CADPS2: variants seen among roughly 807,000 people sequenced by gnomAD.
CADPS2 encodes the protein calcium dependent secretion activator 2, also known as calcium-dependent secretion activator 2.
In CADPS2, 93 loss-of-function variants were observed where a neutral mutation model predicts 172.5. That is an observed-to-expected ratio of 0.54 (90% CI 0.46 to 0.64). The LOEUF is 0.64. Among genes scored for constraint, CADPS2 ranks in the 30% least tolerant of loss-of-function variants. The pLI is 0.00. For missense variants in CADPS2, 1,420 were observed against 1,565.9 expected (o/e 0.91, Z 1.57); for synonymous variants, 546 against 555.2 (o/e 0.98, Z 0.23).
At chr7:122,532,688 T>C (rs1338918837) in intron 8 of CADPS2, among the ~76,000 whole-genome samples, 1 of 152,056 alleles carries the variant, frequency 6.6e-6, no homozygotes, top group Non-Finnish European at 1.5e-5. Flanking sequence ...TTTTAATCTG[T>C]ACCTATTCTG....
At chr7:122,487,207 A>C (rs1209452002) in intron 11 of CADPS2, among the ~76,000 whole-genome samples, 1 of 151,814 alleles carries the variant, frequency 6.6e-6, no homozygotes, top group Non-Finnish European at 1.5e-5. Context: ...ACAGGGTTTC[A>C]TCATGTTGCC....
At chr7:122,336,377 C>T (rs2035852496) in intron 28 of CADPS2, among the ~76,000 whole-genome samples, 2 of 152,142 alleles carry the variant, frequency 1.3e-5, no homozygotes, top group Admixed American at 1.3e-4. Flanking sequence ...AGGGTAGTAG[C>T]TATCTGTTCT....
intron 2 of CADPS2, chr7:122,698,931 C>T (rs979134878): frequency 5.2e-6 from 8 of 1,544,728 alleles, no homozygotes; most frequent in Admixed American, 4.1e-5. Flanking sequence ...CTCTCTTCTC[C>T]GAGTGACTTA....
intron 28 of CADPS2, among the ~76,000 whole-genome samples, chr7:122,336,465 A>C (rs1222231312): frequency 6.6e-6 from 1 of 152,252 alleles, no homozygotes; most frequent in African/African-American, 2.4e-5. Flanking sequence ...ACAAGGCACT[A>C]GAGACCAGTT....
intron 1 of CADPS2, among the ~76,000 whole-genome samples, chr7:122,843,815 A>C (rs79176824): frequency 0.023 from 3,539 of 152,320 alleles, 62 homozygotes; most frequent in Non-Finnish European, 0.033. Context: ...AGATGAGTCT[A>C]CATGATGAAA....
At chr7:122,364,413 TAAAAAAAAAAA>T (rs916412439) in intron 25 of CADPS2, among the ~76,000 whole-genome samples, 4 of 77,906 alleles carry the variant, frequency 5.1e-5, no homozygotes, top group East Asian at 3.6e-4. Context: ...TGTCTCAAGT[TAAAAAAAAAAA>T]AAAAAAAAAA....
intron 6 of CADPS2, among the ~76,000 whole-genome samples, chr7:122,612,360 A>G (rs2074400619): frequency 6.6e-6 from 1 of 152,024 alleles, no homozygotes; most frequent in African/African-American, 2.4e-5. Context: ...ATTGATGCAT[A>G]TAAAATCTAT....
chr7:122,363,108 C>T (rs534408097), intron 25 of CADPS2, among the ~76,000 whole-genome samples: 1 of 152,198 alleles, frequency 6.6e-6, no homozygotes, highest in Non-Finnish European at 1.5e-5. Context: ...GTTAGGATTT[C>T]TTACCAATCA....
intron 3 of CADPS2, among the ~76,000 whole-genome samples, chr7:122,633,587 A>C (rs556657492): frequency 1.3e-5 from 2 of 152,284 alleles, no homozygotes; most frequent in Admixed American, 6.5e-5. Flanking sequence ...CAGTTCGAGA[A>C]GCTTTTTGGC....
chr7:122,635,230 T>C (rs1294926692), intron 3 of CADPS2, among the ~76,000 whole-genome samples: 1 of 152,124 alleles, frequency 6.6e-6, no homozygotes, highest in Non-Finnish European at 1.5e-5. Context: ...TCTAATGCTG[T>C]CAGTGGGGTG....
At chr7:122,369,097 G>T (rs1585332131) in intron 25 of CADPS2, among the ~76,000 whole-genome samples, 1 of 141,678 alleles carries the variant, frequency 7.1e-6, no homozygotes, top group Non-Finnish European at 1.5e-5. Flanking sequence ...AAAAATTATT[G>T]AAGTCTTTCT....
chr7:122,653,027 C>A (rs1249551415), intron 3 of CADPS2, among the ~76,000 whole-genome samples: 1 of 152,106 alleles, frequency 6.6e-6, no homozygotes, highest in South Asian at 2.1e-4. Context: ...TGATGCTAAT[C>A]CTGAAGCTCT....
intron 2 of CADPS2, among the ~76,000 whole-genome samples, chr7:122,668,728 A>C (rs1322326756): frequency 2.0e-5 from 3 of 152,160 alleles, no homozygotes; most frequent in Non-Finnish European, 4.4e-5. Flanking sequence ...AATCAGGTCA[A>C]ATGAAGAGAG....
chr7:122,386,947 G>C, intron 24 of CADPS2, 79 bp downstream of exon 24: 2 of 1,438,012 alleles, frequency 1.4e-6, no homozygotes, highest in Middle Eastern at 1.8e-4. Flanking sequence ...ATCCAATCAA[G>C]AGAATGCCTT....
At chr7:122,645,443 A>AG (rs1563949421) in intron 3 of CADPS2, among the ~76,000 whole-genome samples, 13 of 97,326 alleles carry the variant, frequency 1.3e-4, no homozygotes, top group South Asian at 2.9e-4. Context: ...ATGTATATAT[A>AG]CACACACATA....
intron 1 of CADPS2, among the ~76,000 whole-genome samples, chr7:122,754,325 A>C (rs2093069982): frequency 6.6e-6 from 1 of 152,182 alleles, no homozygotes; most frequent in South Asian, 2.1e-4. Flanking sequence ...TGTTAACCAA[A>C]GTGTGACTCT....
chr7:122,757,733 T>C (rs1347758325), intron 1 of CADPS2, among the ~76,000 whole-genome samples: 4 of 151,936 alleles, frequency 2.6e-5, no homozygotes, highest in Admixed American at 2.0e-4. Flanking sequence ...GCCTGTCGAT[T>C]AGGAGAAATA....
chr7:122,526,867 C>T (rs2061278903), intron 8 of CADPS2, among the ~76,000 whole-genome samples: 1 of 152,126 alleles, frequency 6.6e-6, no homozygotes, highest in African/African-American at 2.4e-5. Flanking sequence ...TCCATGAGGG[C>T]AAGGGCCATA....
intron 2 of CADPS2, among the ~76,000 whole-genome samples, chr7:122,734,271 T>C (rs1328107314): frequency 7.0e-6 from 1 of 142,804 alleles, no homozygotes; most frequent in Admixed American, 7.4e-5. Context: ...CTGAGATTGC[T>C]AATAGATTTT....
Sources: gnomAD v4.1 joint callset for allele counts (sites outside exome capture counted in the v4.1 genomes callset) on GRCh38, gnomAD v4.1.1 for gene constraint, MANE v1.5 for transcripts, NCBI Gene and HGNC (gene_info 2026-07-23, HGNC 2026-07-21) for gene names.